Variants in DNAH17 observed in about 807,000 individuals in gnomAD.
DNAH17 encodes the protein dynein axonemal heavy chain 17, also known as axonemal beta dynein heavy chain 17.
DNAH17 carries 376 observed loss-of-function variants against 485.6 expected under a neutral mutation model. That is an observed-to-expected ratio of 0.77 (90% CI 0.71 to 0.84). The LOEUF is 0.84. Ranked by LOEUF, DNAH17 falls within the 40% of genes least tolerant of loss-of-function variation. The probability of loss-of-function intolerance (pLI) is 0.00; values close to 1 mark genes in which losing one functional copy is unlikely to be tolerated. For synonymous variants in DNAH17, 3,031 were observed against 2,405.9 expected (o/e 1.26, Z -7.60); for missense variants, 6,370 against 5,839.3 (o/e 1.09, Z -2.96).
Position 78,525,043 on chromosome 17 carries a change from C to T in DNAH17, c.3830G>A (p.Arg1277His), listed in dbSNP as rs200891120. The T allele has an allele frequency of 3.1e-6, 5 of 1,613,622 alleles. No homozygotes were observed. The highest frequency in any genetic ancestry group is 2.2e-5 in the South Asian group (2 of 91,070). ...KQLKACHREV[R>H]LLKELWDMVV... ...CATGTCCCAGAGCTCCTTCAGTAGG[C>T]GGACCTCCCGGTGGCAGGCCTTGAG... The change falls in exon 25 of 81, where the codon CGC becomes CAC. Residue 1277 changes from arginine (R) to histidine (H), a missense_variant. Physicochemically the swap from Arg to His is conservative, Grantham distance 29 (BLOSUM62 0). Transcript: ENST00000389840.
At chr17:78,534,143 C>T (rs2091312432) in intron 19 of DNAH17, among the ~76,000 whole-genome samples, 1 of 152,252 alleles carries the variant, frequency 6.6e-6, no homozygotes, top group African/African-American at 2.4e-5. Flanking sequence ...CTTTACCCAA[C>T]TCTCACACCA....
At chr17:78,448,938 A>G (rs2087429373) in intron 69 of DNAH17, among the ~76,000 whole-genome samples, 1 of 152,256 alleles carries the variant, frequency 6.6e-6, no homozygotes, top group Admixed American at 6.5e-5. Context: ...GTATTCTGTT[A>G]TAGCCGCACA....
At chr17:78,488,276 C>A (rs2089700600) in intron 44 of DNAH17, among the ~76,000 whole-genome samples, 1 of 152,200 alleles carries the variant, frequency 6.6e-6, no homozygotes. Flanking sequence ...CAAGGCCATC[C>A]TGGGTGCATC....
At chr17:78,556,157 T>C (rs565110348) in intron 14 of DNAH17, among the ~76,000 whole-genome samples, 1 of 150,332 alleles carries the variant, frequency 6.7e-6, no homozygotes, top group South Asian at 2.2e-4. Flanking sequence ...TATCCATTCA[T>C]CCACCTATAT....
intron 19 of DNAH17, among the ~76,000 whole-genome samples, chr17:78,536,578 G>C (rs755287778): frequency 8.5e-5 from 13 of 152,128 alleles, no homozygotes; most frequent in Non-Finnish European, 1.6e-4. Context: ...CTACTTGGGA[G>C]ACTGAGGCGG....
At chr17:78,519,371 A>T (rs2143177139) in intron 25 of DNAH17, among the ~76,000 whole-genome samples, 1 of 152,258 alleles carries the variant, frequency 6.6e-6, no homozygotes, top group African/African-American at 2.4e-5. Context: ...TCAAATCAAT[A>T]ATCCAAGTTT....
At chr17:78,517,198 C>T (rs2090810635) in intron 25 of DNAH17, among the ~76,000 whole-genome samples, 1 of 152,152 alleles carries the variant, frequency 6.6e-6, no homozygotes, top group South Asian at 2.1e-4. Flanking sequence ...ACATGTCAAC[C>T]TCACCCAGCT....
intron 80 of DNAH17, 34 bp from the exon 81 acceptor site, chr17:78,424,187 C>T (rs771785968): frequency 1.3e-6 from 2 of 1,581,998 alleles, no homozygotes; most frequent in Non-Finnish European, 1.7e-6. Flanking sequence ...GTCAGGTGTG[C>T]TGCCAGTAAG....
At chr17:78,472,038 T>C (rs1212168892) in intron 54 of DNAH17, among the ~76,000 whole-genome samples, 4 of 152,164 alleles carry the variant, frequency 2.6e-5, no homozygotes, top group African/African-American at 9.7e-5. Context: ...CTATCATCAC[T>C]GTCAGCCAAG....
At chr17:78,570,504 A>C in intron 6 of DNAH17, 132 bp from the exon 7 acceptor site, 6 of 1,187,412 alleles carry the variant, frequency 5.1e-6, no homozygotes, top group Non-Finnish European at 6.9e-6. Context: ...GGGGAGAGGC[A>C]ACTCCCTAGG....
chr17:78,508,270 T>G (rs887636728), intron 27 of DNAH17, among the ~76,000 whole-genome samples: 11 of 152,228 alleles, frequency 7.2e-5, no homozygotes, highest in African/African-American at 2.7e-4. Context: ...CCCAGGTGAA[T>G]GATGCTCTTC....
intron 14 of DNAH17, among the ~76,000 whole-genome samples, chr17:78,553,762 C>T (rs2091961204): frequency 6.6e-6 from 1 of 152,162 alleles, no homozygotes; most frequent in Non-Finnish European, 1.5e-5. Flanking sequence ...CATACCATGA[C>T]TAATTAAGAA....
intron 33 of DNAH17, 31 bp from the exon 34 acceptor site, chr17:78,501,904 C>T: frequency 6.2e-7 from 1 of 1,612,542 alleles, no homozygotes; most frequent in Non-Finnish European, 8.5e-7. Flanking sequence ...GATGAGACAC[C>T]ACGGGTGCCC....
intron 2 of DNAH17, among the ~76,000 whole-genome samples, chr17:78,574,221 G>A (rs1200523107): frequency 6.6e-6 from 1 of 152,206 alleles, no homozygotes; most frequent in Non-Finnish European, 1.5e-5. Flanking sequence ...CGGGCATGAT[G>A]GCTCACGCCT....
intron 42 of DNAH17, among the ~76,000 whole-genome samples, chr17:78,492,115 C>T (rs1449339384): frequency 1.3e-5 from 2 of 152,234 alleles, no homozygotes; most frequent in East Asian, 1.9e-4. Context: ...AGGCACAGCC[C>T]TCCCCTAGGC....
chr17:78,461,928 T>C (rs1199327465), intron 57 of DNAH17, among the ~76,000 whole-genome samples: 2 of 152,024 alleles, frequency 1.3e-5, no homozygotes, highest in Non-Finnish European at 2.9e-5. Context: ...ACATTCCTGG[T>C]GCTCAAAGGA....
chr17:78,473,909 G>A (rs1457060242), intron 54 of DNAH17, among the ~76,000 whole-genome samples: 1 of 152,142 alleles, frequency 6.6e-6, no homozygotes, highest in East Asian at 1.9e-4. Context: ...CAGATGCGCT[G>A]AGAACCCATG....
Position 78,555,591 on chromosome 17 carries a change from G to A in DNAH17, c.2178+2517C>T, listed in dbSNP as rs183831501. 3.4e-5 allele frequency among the ~76,000 whole-genome samples: 5 copies of A among 147,270 alleles called. No individual in the cohort carries two copies. In the East Asian group the frequency reaches 7.9e-4, roughly 23 times the overall value. On this transcript the variant is annotated intron_variant, in intron 14 of 80. Transcript: ENST00000389840. ...AGAGGCAAGAAGGTCAAAAGAGAAG[G>A]CATCAGTGTGATGACGGAAGCACAA...
Position 78,453,348 on chromosome 17 carries a change from C to CT in DNAH17, c.10523dup (p.Tyr3511ValfsTer3). ...CGGAGGCGGAAACAACTCACTTTCC[C>CT]TTTTTAATCGTGTTCCTGCCCAGTA... On this transcript the variant is annotated frameshift_variant, in exon 65 of 81. Coordinates refer to ENST00000389840, the MANE Select transcript of DNAH17 (RefSeq NM_173628.4). LOFTEE classifies it high-confidence loss of function. The CT allele has an allele frequency of 2.5e-6, 4 of 1,613,264 alleles. No homozygotes were observed. Among genetic ancestry groups the CT allele is most frequent in the Non-Finnish European group, 3.4e-6 (4 of 1,179,548 alleles).
Sources: gnomAD v4.1 joint callset for allele counts (sites outside exome capture counted in the v4.1 genomes callset) on GRCh38, gnomAD v4.1.1 for gene constraint, MANE v1.5 for transcripts, NCBI Gene and HGNC (gene_info 2026-07-23, HGNC 2026-07-21) for gene names.